Variants in RASA1 observed in about 807,000 individuals in gnomAD.
RASA1 encodes RAS p21 protein activator 1, also known as ras GTPase-activating protein 1.
A neutral mutation model predicts 132.2 loss-of-function variants in RASA1; 25 were observed. The observed-to-expected ratio is 0.19, with a 90% CI of 0.14 to 0.26. The LOEUF (loss-of-function observed/expected upper bound fraction) is 0.26. RASA1 is among the 10% of genes least tolerant of loss of function. The probability of loss-of-function intolerance (pLI) is 1.00; values close to 1 mark genes in which losing one functional copy is unlikely to be tolerated. For missense variants in RASA1, 964 were observed against 1,299.2 expected, an observed-to-expected ratio of 0.74 and a Z score of 3.97; for synonymous variants, 477 against 449.9, an observed-to-expected ratio of 1.06 and a Z score of -0.76.
chr5:87,307,932 T>C (rs1170443015), intron 1 of RASA1, among the ~76,000 whole-genome samples: 3 of 152,206 alleles, frequency 2.0e-5, no homozygotes, highest in Non-Finnish European at 4.4e-5. Context: ...GCCACTCCTG[T>C]GTTAGGCAGA....
chr5:87,356,776 T>G (rs1316218085), intron 9 of RASA1, among the ~76,000 whole-genome samples: 1 of 152,198 alleles, frequency 6.6e-6, no homozygotes, highest in Non-Finnish European at 1.5e-5. Context: ...TAAACATAAC[T>G]TATACGTGCA....
Position 87,343,269 on chromosome 5 carries a change from C to T in RASA1, c.1049+1948C>T, listed in dbSNP as rs79894685. 7.5e-3 allele frequency among the ~76,000 whole-genome samples: 1,139 copies of T among 152,174 alleles called. 16 individuals are homozygous for T. Among genetic ancestry groups the T allele is most frequent in the African/African-American group, 0.026 (1,099 of 41,506 alleles). The stretch of plus-strand genomic sequence containing the variant: ...CTTAAAGTATTTCTTAAATGTTTAC[C>T]GCCTTCTCAAATCTTAAATAACTAC... On this transcript the variant is annotated intron_variant, in intron 6 of 24. Transcript: ENST00000274376.
At position 87,346,718 on chromosome 5, in the gene RASA1, A is replaced by G; in HGVS notation, c.1096A>G (p.Met366Val). 1 of 1,549,208 alleles carries G rather than the reference A, an allele frequency of 6.5e-7. No individual in the cohort carries two copies. The highest frequency in any genetic ancestry group is 8.9e-7 in the Non-Finnish European group (1 of 1,123,004). Residue 366 changes from methionine to valine, a missense_variant, in exon 7 of 25, where the codon ATG becomes GTG. This residue lies in a region of RASA1 where 154 missense variants were observed against 286.5 expected (regional missense o/e 0.54). Coordinates refer to ENST00000274376, the MANE Select transcript of RASA1 (RefSeq NM_002890.3). ...CAAACAGGAAGCTTATAATTTACTA[A>G]TGACAGGTACTTACATATTTACTTG... Reference protein sequence around the residue: ...ISKQEAYNLLMTVGQVCSFLV... With the variant: ...ISKQEAYNLLVTVGQVCSFLV...
intron 23 of RASA1, chr5:87,389,175 C>G (rs1762282846): frequency 2.2e-6 from 1 of 448,034 alleles, no homozygotes; most frequent in Non-Finnish European, 4.1e-6. Context: ...GTATTTGTAA[C>G]AAAAAATTAG....
At chr5:87,369,699 C>CT in intron 11 of RASA1, 114 bp from the exon 12 acceptor site, 1 of 753,902 alleles carries the variant, frequency 1.3e-6, no homozygotes, top group Non-Finnish European at 2.2e-6. Context: ...AGTATTATTT[C>CT]TTTAAGAATT....
intron 1 of RASA1, among the ~76,000 whole-genome samples, chr5:87,290,439 C>CATCCA (rs1255798742): frequency 1.3e-5 from 2 of 152,320 alleles, no homozygotes; most frequent in Admixed American, 6.5e-5. Flanking sequence ...CCACTGTTGA[C>CATCCA]ATCCAGCACA....
At position 87,327,174 on chromosome 5, in the gene RASA1, A is replaced by G. The variant is rs114566505; in HGVS notation, c.540-4174A>G. Reference sequence around the variant, plus strand: ...GCTCATTTAATAATAATATTAAGCCAACATTCTCTGAGGTAGACACTATTA... The same window carrying G: ...GCTCATTTAATAATAATATTAAGCCGACATTCTCTGAGGTAGACACTATTA... On this transcript the variant is annotated intron_variant, in intron 1 of 24. Transcript: ENST00000274376. Among the ~76,000 whole-genome samples, 1,415 of 152,328 alleles carry G rather than the reference A, an allele frequency of 9.3e-3. 10 individuals carry two copies. The highest frequency in any genetic ancestry group is 0.022 in the South Asian group (108 of 4,828).
At chr5:87,306,568 A>G (rs570756619) in intron 1 of RASA1, among the ~76,000 whole-genome samples, 2 of 152,068 alleles carry the variant, frequency 1.3e-5, no homozygotes, top group Non-Finnish European at 2.9e-5. Flanking sequence ...CATGACACAC[A>G]TTTACTTATG....
At position 87,282,056 on chromosome 5, in the gene RASA1, A is replaced by G. The variant is rs369999154; in HGVS notation, c.539+13066A>G. Among the ~76,000 whole-genome samples, 5 of 152,160 alleles carry G rather than the reference A, an allele frequency of 3.3e-5. No homozygotes were observed. In the East Asian group the frequency reaches 9.6e-4, roughly 29 times the overall value. On this transcript the variant is annotated intron_variant, in intron 1 of 24. Coordinates refer to ENST00000274376, the MANE Select transcript of RASA1 (RefSeq NM_002890.3). ...ATTTAATTTAATTTTGATGAATTCC[A>G]GCTTACTTGTTTTTTTCTTTTGTTG...
intron 8 of RASA1, 74 bp from the exon 9 acceptor site, chr5:87,353,083 A>G (rs1561303237): frequency 8.2e-7 from 1 of 1,213,448 alleles, no homozygotes; most frequent in East Asian, 2.4e-5. Flanking sequence ...CCTTGGCAAG[A>G]AAGTTTACAC....
chr5:87,286,478 G>A (rs982287527), intron 1 of RASA1, among the ~76,000 whole-genome samples: 1 of 151,346 alleles, frequency 6.6e-6, no homozygotes, highest in Non-Finnish European at 1.5e-5. Flanking sequence ...CAGAGCTTAT[G>A]TGTATATTTA....
chr5:87,268,488 C>T lies in RASA1; in HGVS notation c.37C>T (p.Pro13Ser), dbSNP rs1191737466. Reference protein sequence around the residue: ...AAEAGSEEGGPVTAGAGGGGA... With the variant: ...AAEAGSEEGGSVTAGAGGGGA... ...CGAGGCCGGCAGTGAGGAGGGCGGC[C>T]CGGTAACAGCCGGAGCTGGAGGAGG... Residue 13 changes from proline to serine, a missense_variant, in exon 1 of 25, where the codon CCG becomes TCG. Coordinates refer to ENST00000274376, the MANE Select transcript of RASA1 (RefSeq NM_002890.3). The T allele has an allele frequency of 6.4e-7, 1 of 1,555,720 alleles. No homozygotes were observed. The highest frequency in any genetic ancestry group is 2.4e-5 in the East Asian group (1 of 41,978).
In RASA1 at chr5:87,351,751, G is replaced by T. The variant is rs188225078; in HGVS notation, c.1254-1406G>T. 8.2e-4 allele frequency among the ~76,000 whole-genome samples: 125 copies of T among 151,800 alleles called. 1 individual carries two copies. The highest frequency in any genetic ancestry group is 2.9e-3 in the African/African-American group (120 of 41,506). On this transcript the variant is annotated intron_variant, in intron 8 of 24. Coordinates refer to ENST00000274376, the MANE Select transcript of RASA1 (RefSeq NM_002890.3). ...GAGTAATTTTTAAAAAAACTCTTAAGTCTAGCTCATTGGTAAAAACCTATC... is the reference window on the plus strand; with the variant it reads ...GAGTAATTTTTAAAAAAACTCTTAATTCTAGCTCATTGGTAAAAACCTATC...
chr5:87,356,473 T>C (rs1759658808), intron 9 of RASA1, among the ~76,000 whole-genome samples: 1 of 151,978 alleles, frequency 6.6e-6, no homozygotes, highest in Non-Finnish European at 1.5e-5. Context: ...CACTGCAACC[T>C]TGAGCTCCTG....
chr5:87,269,079 A>G (rs975322558), intron 1 of RASA1, 89 bp downstream of exon 1: 6 of 1,613,818 alleles, frequency 3.7e-6, no homozygotes, highest in Non-Finnish European at 5.1e-6. Flanking sequence ...TGTCCTTTTC[A>G]TCTGTGGTTT....
Position 87,268,519 on chromosome 5 carries a change from C to T in RASA1, c.68C>T (p.Ala23Val). ...ACAGCCGGAGCTGGAGGAGGCGGCG[C>T]GGCAGCGGGCTCCAGTGCCTATCCC... ...PVTAGAGGGG[A>V]AAGSSAYPAV... is the part of the protein sequence containing the mutation. The change falls in exon 1 of 25, where the codon GCG becomes GTG. Residue 23 changes from alanine (A) to valine (V), a missense_variant. Ala to Val is a moderately conservative substitution (Grantham distance 64, BLOSUM62 0). Transcript: ENST00000274376. 2 of 1,580,118 alleles carry T rather than the reference C, an allele frequency of 1.3e-6. No homozygotes were observed. Among genetic ancestry groups the T allele is most frequent in the South Asian group, 1.2e-5 (1 of 86,716 alleles).
At chr5:87,365,457 AC>A (rs1760443807) in intron 11 of RASA1, among the ~76,000 whole-genome samples, 1 of 152,148 alleles carries the variant, frequency 6.6e-6, no homozygotes, top group Non-Finnish European at 1.5e-5. Context: ...TTATGAAGCT[AC>A]CTTTTATGTT....
At chr5:87,292,367 CTT>C (rs76957126) in intron 1 of RASA1, among the ~76,000 whole-genome samples, 12 of 120,220 alleles carry the variant, frequency 1.0e-4, no homozygotes, top group Admixed American at 1.6e-4. Flanking sequence ...TGTTTACATT[CTT>C]TTTTTTTTTT....
Position 87,362,601 on chromosome 5 carries a change from T to C in RASA1, c.1383T>C (p.Asn461=), listed in dbSNP as rs188482059. Residue 461 remains asparagine, a synonymous_variant, in exon 10 of 25, where the codon AAT becomes AAC. Coordinates refer to ENST00000274376, the MANE Select transcript of RASA1 (RefSeq NM_002890.3). ...NDTVDGKEIY[N]TIRRKTKDAF... ...CAGTGGATGGCAAGGAAATCTATAATACCATCCGTCGTAAAACAAAGGATG... is the reference window on the plus strand; with the variant it reads ...CAGTGGATGGCAAGGAAATCTATAACACCATCCGTCGTAAAACAAAGGATG... The C allele has an allele frequency of 2.1e-5, 33 of 1,596,546 alleles. No individual in the cohort carries two copies. The highest frequency in any genetic ancestry group is 8.6e-7 in the Non-Finnish European group (1 of 1,164,122).
Sources: gnomAD v4.1 joint callset for allele counts (sites outside exome capture counted in the v4.1 genomes callset) on GRCh38, gnomAD v4.1.1 for gene constraint, gnomAD v4.1.1 regional missense constraint, MANE v1.5 for transcripts, NCBI Gene and HGNC (gene_info 2026-07-23, HGNC 2026-07-21) for gene names.